The following ETFDH variants were observed in gnomAD, a reference collection of about 807,000 sequenced individuals.
ETFDH encodes electron transfer flavoprotein dehydrogenase.
ETFDH carries 61 observed loss-of-function variants against 73.2 expected under a neutral mutation model. That is an observed-to-expected ratio of 0.83 (90% CI 0.68 to 1.03). The LOEUF is 1.03. Among genes scored for constraint, ETFDH ranks in the 50% least tolerant of loss-of-function variants. The pLI, the probability that ETFDH is intolerant of heterozygous loss-of-function variation, is 0.00. For synonymous variants in ETFDH, 243 were observed against 253.3 expected, an observed-to-expected ratio of 0.96 and a Z score of 0.39; for missense variants, 685 against 745.0, an observed-to-expected ratio of 0.92 and a Z score of 0.94.
chr4:158,677,181 T>A (rs1773731030), intron 1 of ETFDH, among the ~76,000 whole-genome samples: 1 of 152,210 alleles, frequency 6.6e-6, no homozygotes, highest in Non-Finnish European at 1.5e-5. Context: ...TTTGAAGAGA[T>A]TAATTCTGAG....
chr4:158,688,035 A>G (rs1393700897), intron 5 of ETFDH, among the ~76,000 whole-genome samples: 2 of 150,808 alleles, frequency 1.3e-5, no homozygotes, highest in African/African-American at 2.4e-5. Context: ...GCGAGATTCC[A>G]TCTCAAAAAA....
In ETFDH at chr4:158,699,051, A is replaced by G. The variant is rs1358691961; in HGVS notation, c.1037A>G (p.His346Arg). The G allele has an allele frequency of 1.2e-6, 2 of 1,613,218 alleles. No individual in the cohort carries two copies. Among genetic ancestry groups the G allele is most frequent in the Non-Finnish European group, 8.5e-7 (1 of 1,179,114 alleles). Residue 346 changes from histidine to arginine, a missense_variant, in exon 9 of 13, where the codon CAT (histidine) becomes CGT (arginine). Physicochemically the swap from His to Arg is conservative, Grantham distance 29. Around this residue, in one of 3 missense-constraint regions of ETFDH, gnomAD observed 79 missense variants for 120.5 expected, o/e 0.66. Coordinates refer to ENST00000511912, the MANE Select transcript of ETFDH (RefSeq NM_004453.4). ...PFREFQRWKH[H>R]PSIRPTLEGG... Reference sequence around the variant, plus strand: ...AGAGAGTTCCAAAGGTGGAAACACCATCCTAGCATTCGGCCAACCTTGGAA... The same window carrying G: ...AGAGAGTTCCAAAGGTGGAAACACCGTCCTAGCATTCGGCCAACCTTGGAA...
chr4:158,694,213 C>G (rs938367048), intron 6 of ETFDH, among the ~76,000 whole-genome samples: 1 of 152,106 alleles, frequency 6.6e-6, no homozygotes, highest in Non-Finnish European at 1.5e-5. Context: ...TAGCACAGAA[C>G]CTGGCACATT....
chr4:158,694,749 G>T (rs186946026), intron 6 of ETFDH, among the ~76,000 whole-genome samples: 2 of 152,026 alleles, frequency 1.3e-5, no homozygotes, highest in African/African-American at 4.8e-5. Context: ...ATTGCTTCAG[G>T]CTTTTTGGAA....
At chr4:158,682,060 T>C (rs1456088029) in intron 2 of ETFDH, 135 bp from the exon 3 acceptor site, 2 of 1,163,586 alleles carry the variant, frequency 1.7e-6, no homozygotes, top group African/African-American at 3.0e-5. Context: ...ATATGCTTAA[T>C]ATAATTATTG....
intron 1 of ETFDH, 52 bp downstream of exon 1, chr4:158,672,542 C>A (rs765804176): frequency 1.9e-6 from 3 of 1,577,926 alleles, no homozygotes; most frequent in Non-Finnish European, 2.6e-6. Flanking sequence ...GCAAAAGGGA[C>A]AAGGCCGGTC....
chr4:158,676,613 G>A lies in ETFDH; in HGVS notation c.35-3854G>A, dbSNP rs1773717192. On this transcript the variant is annotated intron_variant, in intron 1 of 12. Coordinates refer to ENST00000511912, the MANE Select transcript of ETFDH (RefSeq NM_004453.4). ...CAAAGTTAGTTCAGCCTACTCCCAG[G>A]AATGAACAAGGACTACTTGGAGGTT... Among the ~76,000 whole-genome samples, 5 of 152,310 alleles carry A rather than the reference G, an allele frequency of 3.3e-5. No individual in the cohort carries two copies. The South Asian group carries it at 1.0e-3, about 32-fold the overall frequency.
chr4:158,693,002 T>C (rs1774218529), intron 6 of ETFDH, among the ~76,000 whole-genome samples: 1 of 151,710 alleles, frequency 6.6e-6, no homozygotes, highest in South Asian at 2.1e-4. Context: ...TACAATGGAG[T>C]CTTAGTAATT....
Position 158,680,604 on chromosome 4 carries a change from G to A in ETFDH, c.172G>A (p.Glu58Lys), listed in dbSNP as rs1473188524. 6.2e-6 allele frequency: 10 copies of A among 1,609,586 alleles called. No homozygotes were observed. The highest frequency in any genetic ancestry group is 1.3e-5 in the African/African-American group (1 of 74,866). ...TCCCCGGGATAAGGACAAGAGATGG[G>A]AAGGTAAGTAATAATTTGTGTACAA... ...IYPRDKDKRWEGVNMERFAEE... is the reference protein window; with the variant it reads ...IYPRDKDKRWKGVNMERFAEE... Residue 58 changes from glutamate to lysine, a missense_variant, in exon 2 of 13, where the codon GAA becomes AAA. Physicochemically the swap from Glu to Lys is moderately conservative, Grantham distance 56. This residue lies in a region of ETFDH where 405 missense variants were observed against 399.3 expected (regional missense o/e 1.01). Transcript: ENST00000511912.
Position 158,700,124 on chromosome 4 carries a change from GA to G in ETFDH, c.1116+998del, listed in dbSNP as rs1468966705. On this transcript the variant is annotated intron_variant, in intron 9 of 12. Transcript: ENST00000511912. ...TTATTATAAAAGTAACAGATAATAG[GA>G]AAATTTGGGGAGGAGAAATTGCCTT... Among the ~76,000 whole-genome samples, 3 of 152,068 alleles carry G rather than the reference GA, an allele frequency of 2.0e-5. No homozygotes were observed. The South Asian group carries it at 6.2e-4, about 31-fold the overall frequency.
chr4:158,675,711 G>T (rs1186042932), intron 1 of ETFDH, among the ~76,000 whole-genome samples: 1 of 151,350 alleles, frequency 6.6e-6, no homozygotes, highest in Non-Finnish European at 1.5e-5. Flanking sequence ...CAAGGCTTCA[G>T]TGAGCCATGA....
chr4:158,706,280 C>A lies in ETFDH; in HGVS notation c.1377C>A (p.His459Gln). Residue 459 changes from histidine to glutamine, a missense_variant, in exon 11 of 13, where the codon CAC becomes CAA. Physicochemically the swap from His to Gln is conservative, Grantham distance 24. Transcript: ENST00000511912. ...YSVRNIRPSC[H>Q]GVLGVYGGMI... is the part of the protein sequence containing the mutation. ...TTAGAAATATAAGACCGTCCTGCCA[C>A]GGAGTACTGGGTGTATATGGAGGGA... The A allele has an allele frequency of 6.2e-7, 1 of 1,611,300 alleles. No individual in the cohort carries two copies. Among genetic ancestry groups the A allele is most frequent in the Non-Finnish European group, 8.5e-7 (1 of 1,177,478 alleles).
At chr4:158,683,039 T>C (rs1208826732) in intron 3 of ETFDH, among the ~76,000 whole-genome samples, 2 of 152,216 alleles carry the variant, frequency 1.3e-5, no homozygotes, top group African/African-American at 2.4e-5. Context: ...TTAAACTTGT[T>C]CTTTAAGTCT....
intron 1 of ETFDH, among the ~76,000 whole-genome samples, chr4:158,677,297 G>C (rs527885057): frequency 7.7e-4 from 117 of 152,352 alleles, no homozygotes; most frequent in Middle Eastern, 6.8e-3. Context: ...AGGGAGAAAA[G>C]TTACAGGCAA....
intron 6 of ETFDH, among the ~76,000 whole-genome samples, chr4:158,694,592 C>G (rs1374459717): frequency 7.2e-6 from 1 of 138,672 alleles, no homozygotes; most frequent in African/African-American, 2.9e-5. Flanking sequence ...ACAACTCTGT[C>G]TCAAAAAAAA....
In ETFDH at chr4:158,709,461, G is replaced by C. The variant is rs552751042; in HGVS notation, c.*934G>C. ...GCAGGAGAATTGCTTGAACCCGGGAGGCAGAGGATGCAGTGAGCCGAGATT... is the reference window on the plus strand; with the variant it reads ...GCAGGAGAATTGCTTGAACCCGGGACGCAGAGGATGCAGTGAGCCGAGATT... On this transcript the variant is annotated 3_prime_UTR_variant, in exon 13 of 13. Coordinates refer to ENST00000511912, the MANE Select transcript of ETFDH (RefSeq NM_004453.4). 4 of 225,308 alleles carry C rather than the reference G, an allele frequency of 1.8e-5. No individual in the cohort carries two copies. The allele number at this position is 225,308 out of a possible 1,614,324, so 14.0% of individuals were successfully genotyped here.
chr4:158,676,191 G>A (rs1012575215), intron 1 of ETFDH, among the ~76,000 whole-genome samples: 1 of 152,170 alleles, frequency 6.6e-6, no homozygotes, highest in African/African-American at 2.4e-5. Flanking sequence ...GAGTAGGGGG[G>A]TCAGAAAGTG....
rs769232421 is a variant in ETFDH, at chr4:158,682,333, A to C, written c.314A>C (p.Lys105Thr). The change falls in exon 3 of 13, where the codon AAA becomes ACA. Residue 105 changes from lysine to threonine, a missense_variant. Physicochemically the swap from Lys to Thr is moderately conservative, Grantham distance 78. Transcript: ENST00000511912. ...GACATCCGTGTGTGTCTAGTGGAGA[A>C]AGCTGCCCAGATAGGAGCTCATACT... Reference protein sequence around the residue: ...EKDIRVCLVEKAAQIGAHTLS... With the variant: ...EKDIRVCLVETAAQIGAHTLS... 4 of 1,614,136 alleles carry C rather than the reference A, an allele frequency of 2.5e-6. No homozygotes were observed. The highest frequency in any genetic ancestry group is 2.5e-6 in the Non-Finnish European group (3 of 1,180,008).
chr4:158,692,889 ACATAT>A (rs937419379), intron 6 of ETFDH, among the ~76,000 whole-genome samples: 13 of 95,812 alleles, frequency 1.4e-4, no homozygotes, highest in African/African-American at 5.3e-4. Context: ...AAAAAAAAAA[ACATAT>A]ATATATATAT....
Sources: gnomAD v4.1 joint callset for allele counts (sites outside exome capture counted in the v4.1 genomes callset) on GRCh38, gnomAD v4.1.1 for gene constraint, gnomAD v4.1.1 regional missense constraint, MANE v1.5 for transcripts, NCBI Gene and HGNC (gene_info 2026-07-23, HGNC 2026-07-21) for gene names.